The following KCNMA1 variants were observed in gnomAD, a reference collection of about 807,000 sequenced individuals.
KCNMA1 encodes Calcium-activated potassium channel subunit alpha-1.
In KCNMA1, 29 loss-of-function variants were observed where a neutral mutation model predicts 140.0. The observed-to-expected ratio is 0.21, with a 90% CI of 0.15 to 0.28. The LOEUF (loss-of-function observed/expected upper bound fraction) is 0.28. Ranked by LOEUF, KCNMA1 falls within the 10% of genes least tolerant of loss-of-function variation. The pLI, the probability that KCNMA1 is intolerant of heterozygous loss-of-function variation, is 1.00. For synonymous variants in KCNMA1, 612 were observed against 611.9 expected (o/e 1.00, Z 0.00); for missense variants, 880 against 1,602.2 (o/e 0.55, Z 7.70).
At chr10:77,571,484 GACTTATGATT>G (rs1313360866) in intron 1 of KCNMA1, among the ~76,000 whole-genome samples, 2 of 152,200 alleles carry the variant, frequency 1.3e-5, no homozygotes, top group African/African-American at 4.8e-5. Flanking sequence ...CATGAAGGCA[GACTTATGATT>G]ACAAATTCTC....
intron 2 of KCNMA1, among the ~76,000 whole-genome samples, chr10:77,296,911 G>GGT (rs1565808082): frequency 6.7e-6 from 1 of 148,160 alleles, no homozygotes; most frequent in Non-Finnish European, 1.5e-5. Context: ...GGGTGTGTGG[G>GGT]CGGGGGGGCG....
chr10:76,953,693 A>G, intron 21 of KCNMA1, 108 bp downstream of exon 21: 1 of 1,324,416 alleles, frequency 7.6e-7, no homozygotes, highest in Non-Finnish European at 1.1e-6. Context: ...AAAAATAATT[A>G]GGACCAGGGA....
intron 2 of KCNMA1, among the ~76,000 whole-genome samples, chr10:77,362,654 C>T (rs2094071035): frequency 6.6e-6 from 1 of 152,104 alleles, no homozygotes; most frequent in African/African-American, 2.4e-5. Flanking sequence ...CCCCGCCGTC[C>T]AGCTCACAGG....
intron 1 of KCNMA1, among the ~76,000 whole-genome samples, chr10:77,493,501 C>A (rs1353844126): frequency 6.6e-6 from 1 of 152,228 alleles, no homozygotes; most frequent in Non-Finnish European, 1.5e-5. Flanking sequence ...AGTGAGAATG[C>A]ACGCCCAACT....
intron 1 of KCNMA1, among the ~76,000 whole-genome samples, chr10:77,577,880 C>T (rs2074701424): frequency 6.6e-6 from 1 of 152,206 alleles, no homozygotes; most frequent in African/African-American, 2.4e-5. Context: ...TCTGTGCCCA[C>T]ATTGCACCCA....
intron 1 of KCNMA1, among the ~76,000 whole-genome samples, chr10:77,519,124 G>T (rs2051802039): frequency 1.3e-5 from 2 of 152,214 alleles, no homozygotes; most frequent in Non-Finnish European, 2.9e-5. Flanking sequence ...CACCACGTCT[G>T]CTCCACAGAG....
intron 1 of KCNMA1, among the ~76,000 whole-genome samples, chr10:77,584,280 T>A (rs181226164): frequency 6.6e-6 from 1 of 152,302 alleles, no homozygotes; most frequent in East Asian, 1.9e-4. Flanking sequence ...CAATCCAACA[T>A]ATACGTAAGA....
At chr10:77,403,758 C>A (rs1426194941) in intron 2 of KCNMA1, 104 bp downstream of exon 2, 7 of 1,211,268 alleles carry the variant, frequency 5.8e-6, no homozygotes, top group African/African-American at 3.0e-5. Context: ...CTCCCAATAG[C>A]CAGCCTCCTG....
downstream of KCNMA1, chr10:76,877,723 T>G: frequency 6.5e-7 from 1 of 1,549,510 alleles, no homozygotes; most frequent in Admixed American, 2.0e-5. Flanking sequence ...AAAAAATAGT[T>G]CTGGTCTCCT....
intron 2 of KCNMA1, among the ~76,000 whole-genome samples, chr10:77,263,752 G>A (rs191044516): frequency 6.6e-6 from 1 of 152,222 alleles, no homozygotes; most frequent in Admixed American, 6.5e-5. Context: ...CATCGGCTGT[G>A]CAGGTGCATG....
At chr10:77,075,226 C>T (rs1324291371) in intron 13 of KCNMA1, among the ~76,000 whole-genome samples, 2 of 152,176 alleles carry the variant, frequency 1.3e-5, no homozygotes, top group African/African-American at 4.8e-5. Context: ...AACAACTAGC[C>T]CTACCCTTTA....
chr10:77,571,502 C>A (rs1447061704), intron 1 of KCNMA1, among the ~76,000 whole-genome samples: 1 of 152,196 alleles, frequency 6.6e-6, no homozygotes, highest in African/African-American at 2.4e-5. Context: ...ATTACAAATT[C>A]TCACAGCAAA....
chr10:77,392,494 C>T (rs1481913961), intron 2 of KCNMA1, among the ~76,000 whole-genome samples: 1 of 152,218 alleles, frequency 6.6e-6, no homozygotes, highest in Non-Finnish European at 1.5e-5. Context: ...CTTCAGAAAC[C>T]TTGCCACCCC....
intron 1 of KCNMA1, among the ~76,000 whole-genome samples, chr10:77,598,803 G>C (rs2081735115): frequency 6.6e-6 from 1 of 152,184 alleles, no homozygotes. Flanking sequence ...TCAGGCTGTG[G>C]CTCATGAAAG....
At chr10:77,509,277 C>A (rs1299043541) in intron 1 of KCNMA1, among the ~76,000 whole-genome samples, 1 of 152,096 alleles carries the variant, frequency 6.6e-6, no homozygotes, top group African/African-American at 2.4e-5. Context: ...CACCACCATG[C>A]CTGGCTAATT....
At chr10:76,937,886 G>T (rs956670155) in intron 23 of KCNMA1, among the ~76,000 whole-genome samples, 7 of 151,884 alleles carry the variant, frequency 4.6e-5, no homozygotes, top group Non-Finnish European at 7.4e-5. Flanking sequence ...AAAGAGGGCG[G>T]GAGGAAAGCT....
chr10:77,105,904 T>G (rs1351933946), intron 9 of KCNMA1, among the ~76,000 whole-genome samples: 2 of 152,192 alleles, frequency 1.3e-5, no homozygotes, highest in East Asian at 3.8e-4. Context: ...GAAAACTTAT[T>G]GATTCTGACA....
chr10:77,529,572 C>A (rs1458156814), intron 1 of KCNMA1, among the ~76,000 whole-genome samples: 1 of 152,030 alleles, frequency 6.6e-6, no homozygotes, highest in Non-Finnish European at 1.5e-5. Context: ...ACCCTTAGAG[C>A]CGAGCACAGA....
chr10:77,321,524 C>G (rs183384976), intron 2 of KCNMA1, among the ~76,000 whole-genome samples: 13 of 152,300 alleles, frequency 8.5e-5, no homozygotes, highest in Admixed American at 2.6e-4. Flanking sequence ...TCTCAGCTTG[C>G]TTTGTCCCAA....
Sources: gnomAD v4.1 joint callset for allele counts (sites outside exome capture counted in the v4.1 genomes callset) on GRCh38, gnomAD v4.1.1 for gene constraint, MANE v1.5 for transcripts, NCBI Gene and HGNC (gene_info 2026-07-23, HGNC 2026-07-21) for gene names.